Variants in STK31 observed in about 807,000 individuals in gnomAD.
STK31 encodes serine/threonine-protein kinase 31.
STK31 carries 89 observed loss-of-function variants against 129.7 expected under a neutral mutation model. The observed-to-expected ratio is 0.69, with a 90% CI of 0.58 to 0.82. STK31 has a LOEUF of 0.82. STK31 is among the 40% of genes least tolerant of loss of function. The pLI is 0.00. For missense variants in STK31, 1,187 were observed against 1,176.4 expected (o/e 1.01, Z -0.13); for synonymous variants, 448 against 395.3 (o/e 1.13, Z -1.58).
At chr7:23,757,276 G>GA (rs1250136009) in intron 10 of STK31, among the ~76,000 whole-genome samples, 1 of 151,840 alleles carries the variant, frequency 6.6e-6, no homozygotes. Context: ...CTTGAGAAAA[G>GA]AAAGAGACAC....
intron 22 of STK31, chr7:23,791,182 A>C (rs965046174): frequency 7.0e-6 from 6 of 851,664 alleles, no homozygotes; most frequent in Non-Finnish European, 8.5e-6. Context: ...GTCAAGATTA[A>C]CAGTGAAGAT....
At chr7:23,710,569 G>A (rs1785884277) in intron 1 of STK31, 2 of 1,384,320 alleles carry the variant, frequency 1.4e-6, no homozygotes, top group Non-Finnish European at 1.9e-6. Flanking sequence ...ATGAAGACGC[G>A]GTCACGCAGC....
At chr7:23,725,727 G>C (rs1173741899) in intron 4 of STK31, among the ~76,000 whole-genome samples, 1 of 152,156 alleles carries the variant, frequency 6.6e-6, no homozygotes, top group Non-Finnish European at 1.5e-5. Flanking sequence ...ATAGTTGAGA[G>C]TTAGACTTAA....
chr7:23,803,997 T>A (rs1792536860), intron 22 of STK31, among the ~76,000 whole-genome samples: 1 of 152,336 alleles, frequency 6.6e-6, no homozygotes, highest in South Asian at 2.1e-4. Context: ...TGAAAAAGAA[T>A]TGTGTTTCTG....
intron 22 of STK31, among the ~76,000 whole-genome samples, chr7:23,814,146 C>CCTTTTTTTTTTTTTTTTTT (rs1793320898): frequency 1.0e-5 from 1 of 98,916 alleles, no homozygotes; most frequent in Non-Finnish European, 1.9e-5. Flanking sequence ...ATCTGGCTCA[C>CCTTTTTTTTTTTTTTTTTT]TTATTTTTTT....
intron 4 of STK31, among the ~76,000 whole-genome samples, chr7:23,725,190 G>C (rs1786980326): frequency 6.6e-6 from 1 of 151,950 alleles, no homozygotes; most frequent in South Asian, 2.1e-4. Flanking sequence ...TCTCCATAAG[G>C]ACCACTTTTA....
intron 22 of STK31, among the ~76,000 whole-genome samples, chr7:23,802,929 C>G (rs1036745043): frequency 6.6e-6 from 1 of 152,202 alleles, no homozygotes. Context: ...GACATCTTTA[C>G]TACATTGAGC....
intron 3 of STK31, among the ~76,000 whole-genome samples, chr7:23,713,871 A>T (rs4722257): frequency 0.67 from 101,783 of 150,956 alleles, 34,533 homozygotes; most frequent in Middle Eastern, 0.75. Context: ...AGTAAAAAAA[A>T]ATATATATAT....
intron 19 of STK31, 22 bp downstream of exon 19, chr7:23,786,655 C>T: frequency 6.3e-7 from 1 of 1,598,068 alleles, no homozygotes; most frequent in East Asian, 2.2e-5. Context: ...ATGCTAATCT[C>T]TTGCAGAAAC....
intron 15 of STK31, among the ~76,000 whole-genome samples, chr7:23,773,947 A>C (rs1790367548): frequency 6.8e-6 from 1 of 146,676 alleles, no homozygotes; most frequent in African/African-American, 2.6e-5. Flanking sequence ...CCACCCCACA[A>C]CAGACCCCGG....
intron 3 of STK31, 74 bp from the exon 4 acceptor site, chr7:23,717,407 G>A (rs1786410572): frequency 9.8e-7 from 1 of 1,021,284 alleles, no homozygotes; most frequent in Non-Finnish European, 1.4e-6. Context: ...AGTTTATCAT[G>A]CTTAGAACCC....
intron 7 of STK31, among the ~76,000 whole-genome samples, chr7:23,736,163 T>C (rs1286453775): frequency 6.6e-6 from 1 of 152,196 alleles, no homozygotes; most frequent in Non-Finnish European, 1.5e-5. Context: ...AATACACTTA[T>C]CAAAAATAAA....
At chr7:23,772,899 C>T (rs2128104603) in intron 15 of STK31, among the ~76,000 whole-genome samples, 1 of 152,266 alleles carries the variant, frequency 6.6e-6, no homozygotes, top group Admixed American at 6.5e-5. Flanking sequence ...TTTGAATTAT[C>T]TGTCTTCTAC....
chr7:23,798,358 A>G (rs945784689), intron 22 of STK31, among the ~76,000 whole-genome samples: 5 of 151,988 alleles, frequency 3.3e-5, no homozygotes, highest in Admixed American at 6.6e-5. Flanking sequence ...TCAATAAAAT[A>G]CTGGCAAACT....
chr7:23,717,567 T>A lies in STK31; in HGVS notation c.237T>A (p.Leu79=), dbSNP rs564231836. Residue 79 remains leucine (L), a synonymous_variant, in exon 4 of 24, where the codon CTT becomes CTA. Coordinates refer to ENST00000355870, the MANE Select transcript of STK31 (RefSeq NM_031414.5). ...AGGCCAGTTCAGTTTTGGGGAATCT[T>A]GACCCAAACAAGGTGAGCCATATTC... The part of the protein sequence containing the change: ...CPQASSVLGN[L]DPNKIYGGLF... 6.2e-7 allele frequency: 1 copy of A among 1,611,696 alleles called. No homozygotes were observed. Among genetic ancestry groups the A allele is most frequent in the Non-Finnish European group, 8.5e-7 (1 of 1,178,390 alleles).
At chr7:23,805,220 C>T (rs751960324) in intron 22 of STK31, among the ~76,000 whole-genome samples, 7 of 151,836 alleles carry the variant, frequency 4.6e-5, no homozygotes, top group South Asian at 2.1e-4. Context: ...GGATTACAGG[C>T]GCACGCTGCC....
Position 23,781,472 on chromosome 7 carries a change from G to T in STK31, c.2019G>T (p.Gln673His). ...AGAAAATAAAAGAAGAAATAACTCA[G>T]CTGCGCAATAATGTCTTTCAGGAAA... is the stretch of plus-strand genomic sequence containing the variant. ...QIEKIKEEIT[Q>H]LRNNVFQEIY... The change falls in exon 16 of 24, where the codon CAG becomes CAT. Residue 673 changes from glutamine to histidine, a missense_variant. By Grantham distance (24) the Gln-to-His change is conservative. Around this residue, in one of 5 missense-constraint regions of STK31, gnomAD observed 975 missense variants for 934.9 expected, o/e 1.04. Transcript: ENST00000355870. The T allele has an allele frequency of 6.2e-7, 1 of 1,611,920 alleles. No individual in the cohort carries two copies. The highest frequency in any genetic ancestry group is 8.5e-7 in the Non-Finnish European group (1 of 1,179,162).
chr7:23,737,783 T>C (rs1423913100), intron 8 of STK31, among the ~76,000 whole-genome samples: 1 of 152,218 alleles, frequency 6.6e-6, no homozygotes, highest in African/African-American at 2.4e-5. Flanking sequence ...TGTCTTCTTT[T>C]ATGGTAATCA....
chr7:23,758,482 TCTC>T (rs1789252016), intron 10 of STK31, among the ~76,000 whole-genome samples: 2 of 152,016 alleles, frequency 1.3e-5, no homozygotes, highest in African/African-American at 4.8e-5. Context: ...CTTCAATTCT[TCTC>T]TGATCTTATT....
Sources: allele counts gnomAD v4.1 joint callset (sites outside exome capture counted in the v4.1 genomes callset), GRCh38; gene constraint gnomAD v4.1.1; regional missense constraint gnomAD v4.1.1; transcripts MANE v1.5; gene names NCBI Gene and HGNC (gene_info 2026-07-23, HGNC 2026-07-21).